Variants in CHD1 observed in about 807,000 individuals in gnomAD.
CHD1 encodes the protein chromodomain helicase DNA binding protein 1.
A neutral mutation model predicts 224.2 loss-of-function variants in CHD1; 36 were observed. The observed-to-expected ratio is 0.16, with a 90% CI of 0.12 to 0.21. The LOEUF (loss-of-function observed/expected upper bound fraction) is 0.21. Ranked by LOEUF, CHD1 falls within the 10% of genes least tolerant of loss-of-function variation. CHD1 has a pLI of 1.00. For synonymous variants in CHD1, 668 were observed against 658.3 expected (o/e 1.01, Z -0.23); for missense variants, 1,378 against 1,994.8 (o/e 0.69, Z 5.89).
chr5:98,854,884 C>T lies in CHD1; in HGVS notation c.*1496G>A, dbSNP rs867095053. 2.6e-5 allele frequency: 4 copies of T among 152,090 alleles called. No individual in the cohort carries two copies. The highest frequency in any genetic ancestry group is 4.4e-5 in the Non-Finnish European group (3 of 67,984). 9.4% of individuals were successfully genotyped at this position (152,090 alleles called of 1,614,324 possible). A position where few individuals can be genotyped will look rare whatever the true frequency, so the allele number is the denominator to read the frequency against. On this transcript the variant is annotated 3_prime_UTR_variant, in exon 36 of 36. Transcript: ENST00000614616. ...AGCATACATGCAAGAATGTGTGCCA[C>T]ATGACTTAAAAACTTCCCGCTGAAT... is the stretch of plus-strand genomic sequence containing the variant.
intron 23 of CHD1, among the ~76,000 whole-genome samples, chr5:98,879,155 G>A (rs1749981226): frequency 6.6e-6 from 1 of 152,120 alleles, no homozygotes; most frequent in Non-Finnish European, 1.5e-5. Flanking sequence ...GATCATCTGA[G>A]GCCGGGAGGT....
intron 22 of CHD1, among the ~76,000 whole-genome samples, chr5:98,880,829 A>G (rs895069223): frequency 6.6e-6 from 1 of 152,232 alleles, no homozygotes; most frequent in Non-Finnish European, 1.5e-5. Context: ...GCTATTTGCC[A>G]AACACTATTC....
chr5:98,868,560 C>T lies in CHD1; in HGVS notation c.4183G>A (p.Ala1395Thr). Residue 1395 changes from alanine to threonine, a missense_variant, in exon 31 of 36, where the codon GCA becomes ACA. Ala to Thr is a moderately conservative substitution (Grantham distance 58, BLOSUM62 0). Coordinates refer to ENST00000614616, the MANE Select transcript of CHD1 (RefSeq NM_001270.4). ...SVSDAPVHITASGEPVPISEE... is the reference protein window; with the variant it reads ...SVSDAPVHITTSGEPVPISEE... Reference sequence around the variant, plus strand: ...GAAATGGGAACTGGTTCACCACTTGCCGTGATATGAACTGGAGCATCTGAC... The same window carrying T: ...GAAATGGGAACTGGTTCACCACTTGTCGTGATATGAACTGGAGCATCTGAC... 1.2e-6 allele frequency: 2 copies of T among 1,612,744 alleles called. No homozygotes were observed. The highest frequency in any genetic ancestry group is 1.7e-6 in the Non-Finnish European group (2 of 1,179,638).
chr5:98,911,920 T>C (rs540147749), intron 2 of CHD1, among the ~76,000 whole-genome samples: 10 of 152,320 alleles, frequency 6.6e-5, no homozygotes, highest in Non-Finnish European at 1.0e-4. Flanking sequence ...TTGACCAAAC[T>C]GGAATGCAGA....
At chr5:98,923,206 A>G (rs1235013398) in intron 2 of CHD1, among the ~76,000 whole-genome samples, 2 of 152,156 alleles carry the variant, frequency 1.3e-5, no homozygotes, top group African/African-American at 2.4e-5. Context: ...AGCGGTAAGA[A>G]AGAAAATGAA....
At chr5:98,859,099 G>A (rs1748269453) in intron 33 of CHD1, 84 bp from the exon 34 acceptor site, 1 of 984,994 alleles carries the variant, frequency 1.0e-6, no homozygotes, top group Non-Finnish European at 1.5e-6. Context: ...AGAAAATACT[G>A]ATAATGAAGT....
rs1440357914 is a variant in CHD1, at chr5:98,856,079, T to TATCC, written c.*297_*300dup. On this transcript the variant is annotated 3_prime_UTR_variant, in exon 36 of 36. Transcript: ENST00000614616. ...AAAATCACTGACTTAAAAACAGTTT[T>TATCC]ATCCAGCCTGTATGGGAGGGCAGTG... 5 of 194,478 alleles carry TATCC rather than the reference T, an allele frequency of 2.6e-5. No individual in the cohort carries two copies. The highest frequency in any genetic ancestry group is 5.4e-5 in the Non-Finnish European group (5 of 92,526). The allele number at this position is 194,478 out of a possible 1,614,324, so 12.0% of individuals were successfully genotyped here.
At chr5:98,903,017 A>G (rs1580476458) in intron 4 of CHD1, 53 bp from the exon 5 acceptor site, 3 of 1,126,600 alleles carry the variant, frequency 2.7e-6, no homozygotes, top group Admixed American at 2.1e-5. Flanking sequence ...GAATTTAACC[A>G]TATTAAATTT....
chr5:98,892,794 A>G, intron 14 of CHD1, 81 bp from the exon 15 acceptor site: 1 of 834,004 alleles, frequency 1.2e-6, no homozygotes, highest in Non-Finnish European at 1.7e-6. Context: ...TTTTTAGGGG[A>G]GTCATTTATA....
At chr5:98,922,179 T>TA (rs1281302958) in intron 2 of CHD1, among the ~76,000 whole-genome samples, 1 of 151,278 alleles carries the variant, frequency 6.6e-6, no homozygotes, top group Non-Finnish European at 1.5e-5. Context: ...ACACACACAC[T>TA]AAAAAAAAGT....
intron 2 of CHD1, among the ~76,000 whole-genome samples, chr5:98,920,357 ACTTGCAAATACTAC>A (rs1050551859): frequency 2.6e-5 from 4 of 152,210 alleles, no homozygotes; most frequent in Admixed American, 2.6e-4. Flanking sequence ...CAGTAGAGAA[ACTTGCAAATACTAC>A]CTTGACCAAG....
chr5:98,876,600 G>C (rs748863087), intron 23 of CHD1, 42 bp from the exon 24 acceptor site: 1 of 1,546,182 alleles, frequency 6.5e-7, no homozygotes, highest in African/African-American at 1.4e-5. Context: ...TGTAAAAACA[G>C]CTTGTATCTT....
rs70984334 is a variant in CHD1, at chr5:98,917,299, C to CAAAAAAAAAAA, written c.53+9024_53+9034dup. ...GCCCATCCCTCCAAAAACAAAGAAACAAAAAAAAAAAACAACCTCTTAATT... is the reference window on the plus strand; with the variant it reads ...GCCCATCCCTCCAAAAACAAAGAAACAAAAAAAAAAAAAAAAAAAAAAACAACCTCTTAATT... On this transcript the variant is annotated intron_variant, in intron 2 of 35. Transcript: ENST00000614616. Among the ~76,000 whole-genome samples, 382 of 119,454 alleles carry CAAAAAAAAAAA rather than the reference C, an allele frequency of 3.2e-3. 10 individuals are homozygous for CAAAAAAAAAAA. Among genetic ancestry groups the CAAAAAAAAAAA allele is most frequent in the South Asian group, 6.5e-3 (22 of 3,364 alleles). The allele number at this position is 119,454 out of a possible 152,430, so 78.4% of individuals were successfully genotyped here. A position where few individuals can be genotyped will look rare whatever the true frequency, so the allele number is the denominator to read the frequency against.
At chr5:98,861,865 T>C (rs1426893510) in intron 32 of CHD1, among the ~76,000 whole-genome samples, 1 of 151,996 alleles carries the variant, frequency 6.6e-6, no homozygotes, top group Non-Finnish European at 1.5e-5. Flanking sequence ...AGGTACTTTT[T>C]TTTCTTGTTT....
At chr5:98,891,982 A>G (rs569110461) in intron 15 of CHD1, among the ~76,000 whole-genome samples, 1 of 151,706 alleles carries the variant, frequency 6.6e-6, no homozygotes, top group East Asian at 2.0e-4. Context: ...CATAGAATAT[A>G]AATGTTTCTG....
chr5:98,879,639 A>C lies in CHD1; in HGVS notation c.3150T>G (p.Asp1050Glu), dbSNP rs1382716096. 1.9e-6 allele frequency: 3 copies of C among 1,609,112 alleles called. No homozygotes were observed. The part of the protein sequence containing the change: ...SKNWEEIIPE[D>E]QRRRLEEEER... ...CTTCTTCTTCTAATCGTCTTCTTTG[A>C]TCTTCTGGAATAATTTCCTCCCAAT... Residue 1050 changes from aspartate (D) to glutamate (E), a missense_variant, in exon 23 of 36, where the codon GAT (aspartate) becomes GAG (glutamate). Physicochemically the swap from Asp to Glu is conservative, Grantham distance 45 (BLOSUM62 2). Transcript: ENST00000614616.
intron 30 of CHD1, 192 bp from the exon 31 acceptor site, chr5:98,868,827 A>G (rs1301409869): frequency 4.2e-5 from 27 of 636,042 alleles, no homozygotes; most frequent in South Asian, 2.5e-4. Context: ...CTACTCTGTA[A>G]TGTTACTCTG....
intron 31 of CHD1, among the ~76,000 whole-genome samples, chr5:98,864,188 A>C (rs1748683783): frequency 6.6e-6 from 1 of 152,264 alleles, no homozygotes; most frequent in Middle Eastern, 3.4e-3. Context: ...GTTTTATTGT[A>C]GCAATAGGCA....
intron 13 of CHD1, among the ~76,000 whole-genome samples, chr5:98,894,120 G>A (rs576406503): frequency 6.6e-6 from 1 of 152,276 alleles, no homozygotes; most frequent in Non-Finnish European, 1.5e-5. Flanking sequence ...TAAATTCTTT[G>A]AGACATTTTT....
Sources: gnomAD v4.1 joint callset for allele counts (sites outside exome capture counted in the v4.1 genomes callset) on GRCh38, gnomAD v4.1.1 for gene constraint, MANE v1.5 for transcripts, NCBI Gene and HGNC (gene_info 2026-07-23, HGNC 2026-07-21) for gene names.